SEMA3A: variants seen among roughly 807,000 people sequenced by gnomAD.
SEMA3A encodes semaphorin-3A.
A neutral mutation model predicts 97.9 loss-of-function variants in SEMA3A; 29 were observed. The ratio of observed to expected loss-of-function variants is 0.30; its 90% CI spans 0.22 to 0.40. SEMA3A has a LOEUF of 0.40. Ranked by LOEUF, SEMA3A falls within the 10% of genes least tolerant of loss-of-function variation. SEMA3A has a pLI of 1.00. For synonymous variants in SEMA3A, 321 were observed against 323.7 expected (o/e 0.99, Z 0.09); for missense variants, 763 against 951.3 (o/e 0.80, Z 2.60).
At position 84,011,110 on chromosome 7, in the gene SEMA3A, G is replaced by A; in HGVS notation, c.926-19C>T. On this transcript the variant is annotated intron_variant, in intron 8 of 16. Coordinates refer to ENST00000265362, the MANE Select transcript of SEMA3A (RefSeq NM_006080.3). ...ACATCCTCTGTTTAAAAACAAAATT[G>A]GAGAAAGTTGCTTTTTTATGGAATG... is the stretch of plus-strand genomic sequence containing the variant. The A allele has an allele frequency of 1.9e-6, 3 of 1,606,508 alleles. No individual in the cohort carries two copies. The highest frequency in any genetic ancestry group is 1.7e-6 in the Non-Finnish European group (2 of 1,173,880).
intron 4 of SEMA3A, among the ~76,000 whole-genome samples, chr7:84,088,711 A>C (rs931167729): frequency 6.6e-6 from 1 of 152,266 alleles, no homozygotes; most frequent in South Asian, 2.1e-4. Context: ...TATGAAATGC[A>C]TGATTCTATT....
intron 4 of SEMA3A, among the ~76,000 whole-genome samples, chr7:84,107,277 A>G (rs1301940235): frequency 6.6e-6 from 1 of 152,210 alleles, no homozygotes. Flanking sequence ...AGTAAAATAT[A>G]GATGAATTTA....
intron 2 of SEMA3A, among the ~76,000 whole-genome samples, chr7:84,326,401 T>C (rs2115930979): frequency 6.6e-6 from 1 of 152,298 alleles, no homozygotes; most frequent in African/African-American, 2.4e-5. Context: ...TATTTGCTTT[T>C]GACTGATTTG....
intron 2 of SEMA3A, among the ~76,000 whole-genome samples, chr7:84,351,369 A>G (rs146082975): frequency 6.6e-6 from 1 of 152,244 alleles, no homozygotes; most frequent in African/African-American, 2.4e-5. Context: ...CAAATATTAC[A>G]TTAGAATTTG....
chr7:84,100,469 A>C (rs1794927493), intron 4 of SEMA3A, among the ~76,000 whole-genome samples: 1 of 152,168 alleles, frequency 6.6e-6, no homozygotes, highest in South Asian at 2.1e-4. Context: ...AGATACTGAG[A>C]GTAGCTACCT....
chr7:84,167,221 G>T lies in SEMA3A; in HGVS notation c.112+27254C>A, dbSNP rs1584070986. ...ATGTGGTTCTCAAGCTGCCTTTGGG[G>T]CATGTGGTTGATATGTCTAGGTGGC... is the stretch of plus-strand genomic sequence containing the variant. On this transcript the variant is annotated intron_variant, in intron 1 of 16. Transcript: ENST00000265362. 4.6e-5 allele frequency among the ~76,000 whole-genome samples: 7 copies of T among 152,206 alleles called. 1 individual carries two copies. In the South Asian group the frequency reaches 1.5e-3, roughly 32 times the overall value.
intron 1 of SEMA3A, among the ~76,000 whole-genome samples, chr7:84,375,473 G>A (rs949563538): frequency 6.6e-6 from 1 of 152,270 alleles, no homozygotes; most frequent in Middle Eastern, 3.4e-3. Context: ...TGAACAGAGT[G>A]CTTTGGGGAA....
chr7:84,488,317 T>TACACACACACAC (rs67659986), intron 1 of SEMA3A, among the ~76,000 whole-genome samples: 1,606 of 145,744 alleles, frequency 0.011, 30 homozygotes, highest in African/African-American at 0.038. Flanking sequence ...TCTTCGTATA[T>TACACACACACAC]ACACACACAC....
chr7:84,395,640 C>T (rs933493460), intron 1 of SEMA3A, among the ~76,000 whole-genome samples: 7 of 151,868 alleles, frequency 4.6e-5, no homozygotes, highest in Non-Finnish European at 7.4e-5. Context: ...ATGCTCTTCT[C>T]AAGATAGTGT....
intron 4 of SEMA3A, among the ~76,000 whole-genome samples, chr7:84,065,241 A>T (rs1312747644): frequency 6.7e-5 from 9 of 134,090 alleles, no homozygotes; most frequent in Admixed American, 3.1e-4. Context: ...GACACAACAT[A>T]CCAGAATCTC....
chr7:84,469,846 A>G (rs1246400537), intron 1 of SEMA3A, among the ~76,000 whole-genome samples: 2 of 152,032 alleles, frequency 1.3e-5, no homozygotes, highest in African/African-American at 4.8e-5. Context: ...GTTCTTACAT[A>G]TAATAAGACT....
chr7:83,963,495 G>C lies in SEMA3A; in HGVS notation c.1718-148C>G, dbSNP rs1217744172. Reference sequence around the variant, plus strand: ...TGAGGATGACAGAAATGTCAGTGATGTAAGGTTTCAGAGCCCAAATGCCTA... The same window carrying C: ...TGAGGATGACAGAAATGTCAGTGATCTAAGGTTTCAGAGCCCAAATGCCTA... On this transcript the variant is annotated intron_variant, in intron 15 of 16. Transcript: ENST00000265362. The C allele has an allele frequency of 4.7e-6, 4 of 853,936 alleles. No homozygotes were observed. The African/African-American group carries it at 6.8e-5, about 15-fold the overall frequency. 52.9% of individuals were successfully genotyped at this position (853,936 alleles called of 1,614,324 possible).
rs1211037993 is a variant in SEMA3A at position 84,334,175 on chromosome 7, T to C, written c.-168-26883A>G. ...TTCCAAATCTCGGAATTGATCTTTT[T>C]AAGAGTAAATATTTTGGATTAAAAG... On this transcript the variant is annotated intron_variant, in intron 2 of 3. Transcript: ENST00000424555. Among the ~76,000 whole-genome samples the C allele has an allele frequency of 2.0e-5, 3 of 152,142 alleles. No individual in the cohort carries two copies. In the East Asian group the frequency reaches 5.8e-4, roughly 29 times the overall value.
intron 4 of SEMA3A, among the ~76,000 whole-genome samples, chr7:84,063,968 C>G (rs1170427356): frequency 7.3e-5 from 11 of 150,978 alleles, no homozygotes; most frequent in Non-Finnish European, 8.9e-5. Flanking sequence ...ACATAATTGT[C>G]AGATTCACCA....
chr7:84,478,894 T>C (rs938014370), intron 1 of SEMA3A, among the ~76,000 whole-genome samples: 4 of 152,098 alleles, frequency 2.6e-5, no homozygotes, highest in African/African-American at 9.7e-5. Flanking sequence ...CTAAGTTAAA[T>C]AGAAGGTGAT....
intron 1 of SEMA3A, among the ~76,000 whole-genome samples, chr7:84,392,621 T>A (rs1803613013): frequency 6.6e-6 from 1 of 152,122 alleles, no homozygotes; most frequent in Non-Finnish European, 1.5e-5. Context: ...TTTTAGTGCT[T>A]TTTGGCAACC....
intron 3 of SEMA3A, among the ~76,000 whole-genome samples, chr7:84,290,685 T>C (rs932660679): frequency 2.6e-5 from 4 of 152,140 alleles, no homozygotes; most frequent in Admixed American, 2.0e-4. Context: ...AATCTGAACA[T>C]ACTTTTATGG....
At chr7:83,980,205 G>C (rs1419098200) in intron 14 of SEMA3A, among the ~76,000 whole-genome samples, 1 of 152,010 alleles carries the variant, frequency 6.6e-6, no homozygotes, top group Non-Finnish European at 1.5e-5. Context: ...GTTTTTGAAA[G>C]GGCTATTTTG....
chr7:84,243,386 T>A (rs1399913393), intron 3 of SEMA3A, among the ~76,000 whole-genome samples: 1 of 152,212 alleles, frequency 6.6e-6, no homozygotes, highest in Non-Finnish European at 1.5e-5. Flanking sequence ...TGGGTGTATT[T>A]GTCCAGGAAT....
Sources: gnomAD v4.1 joint callset for allele counts (sites outside exome capture counted in the v4.1 genomes callset) on GRCh38, gnomAD v4.1.1 for gene constraint, MANE v1.5 for transcripts, NCBI Gene and HGNC (gene_info 2026-07-23, HGNC 2026-07-21) for gene names.